The following TAFA2 variants were observed in gnomAD, a reference collection of about 807,000 sequenced individuals.
The protein encoded by TAFA2 is TAFA chemokine like family member 2.
In TAFA2, 7 loss-of-function variants were observed where a neutral mutation model predicts 18.8. The ratio of observed to expected loss-of-function variants is 0.37; its 90% CI spans 0.21 to 0.70. The LOEUF (loss-of-function observed/expected upper bound fraction) is 0.70. Ranked by LOEUF, TAFA2 falls within the 30% of genes least tolerant of loss-of-function variation. TAFA2 has a pLI of 0.53. For missense variants in TAFA2, 122 were observed against 158.1 expected (o/e 0.77, Z 1.23); for synonymous variants, 60 against 54.2 (o/e 1.11, Z -0.47).
At chr12:62,019,167 A>T (rs933341328) in intron 1 of TAFA2, among the ~76,000 whole-genome samples, 4 of 152,164 alleles carry the variant, frequency 2.6e-5, no homozygotes, top group African/African-American at 9.7e-5. Context: ...TTAAAAAGTC[A>T]GGAAACAACA....
At chr12:62,037,217 T>C (rs1881632751) in intron 1 of TAFA2, among the ~76,000 whole-genome samples, 1 of 152,260 alleles carries the variant, frequency 6.6e-6, no homozygotes, top group Non-Finnish European at 1.5e-5. Flanking sequence ...GCTCTGCCCA[T>C]GAACTTACTG....
chr12:61,829,621 G>A (rs570825141), intron 2 of TAFA2, among the ~76,000 whole-genome samples: 21 of 151,584 alleles, frequency 1.4e-4, no homozygotes, highest in African/African-American at 4.6e-4. Context: ...GACAGCATAT[G>A]AATTTAATAA....
At chr12:62,027,819 T>A (rs1255893764) in intron 1 of TAFA2, among the ~76,000 whole-genome samples, 2 of 152,214 alleles carry the variant, frequency 1.3e-5, no homozygotes, top group East Asian at 1.9e-4. Context: ...AGAGACTTTA[T>A]CCAGGTATCT....
At chr12:61,773,463 A>G (rs199539071) in intron 2 of TAFA2, among the ~76,000 whole-genome samples, 1 of 152,094 alleles carries the variant, frequency 6.6e-6, no homozygotes, top group Non-Finnish European at 1.5e-5. Context: ...ACTATACTAT[A>G]AGGCTATAGT....
chr12:61,950,211 T>C (rs1008850356), intron 1 of TAFA2, among the ~76,000 whole-genome samples: 1 of 152,176 alleles, frequency 6.6e-6, no homozygotes, highest in Non-Finnish European at 1.5e-5. Flanking sequence ...TTTTATGTAG[T>C]ATTGCTATGA....
chr12:61,737,785 GCTACAAAATAT>G (rs1868328761), intron 4 of TAFA2, among the ~76,000 whole-genome samples: 1 of 151,632 alleles, frequency 6.6e-6, no homozygotes, highest in African/African-American at 2.4e-5. Context: ...TTCTATTCCT[GCTACAAAATAT>G]GAAATCTAAT....
At chr12:61,819,857 C>A (rs1419552241) in intron 2 of TAFA2, among the ~76,000 whole-genome samples, 1 of 152,012 alleles carries the variant, frequency 6.6e-6, no homozygotes, top group African/African-American at 2.4e-5. Context: ...TTATTAATTT[C>A]ATAAATTTAC....
chr12:61,788,656 T>C (rs1215552990), intron 2 of TAFA2, among the ~76,000 whole-genome samples: 1 of 151,594 alleles, frequency 6.6e-6, no homozygotes, highest in Non-Finnish European at 1.5e-5. Flanking sequence ...GATAAATCTC[T>C]ATCAAGACTA....
At chr12:62,259,519 C>T (rs1443612333), upstream of TAFA2, 1 of 152,222 alleles carries the variant, frequency 6.6e-6, no homozygotes, top group Non-Finnish European at 1.5e-5. Flanking sequence ...GATTTTTAAG[C>T]GACTCGATTT....
At chr12:62,243,847 C>T (rs1365389087) in intron 1 of TAFA2, among the ~76,000 whole-genome samples, 2 of 152,226 alleles carry the variant, frequency 1.3e-5, no homozygotes, top group African/African-American at 4.8e-5. Flanking sequence ...GTGGTAGCAT[C>T]ATGGCTCACT....
rs369400075 is a variant in TAFA2 at position 62,142,138 on chromosome 12, C to T, written c.-2+49121G>A. Among the ~76,000 whole-genome samples, 4 of 152,140 alleles carry T rather than the reference C, an allele frequency of 2.6e-5. No homozygotes were observed. The East Asian group carries it at 7.7e-4, about 29-fold the overall frequency. ...GGGCTCAGAAAGGTTAAGTAACTTG[C>T]CACTTTATAAGCTTGTGATCTTAAG... is the stretch of plus-strand genomic sequence containing the variant. On this transcript the variant is annotated intron_variant, in intron 1 of 4. Coordinates refer to ENST00000416284, the MANE Select transcript of TAFA2 (RefSeq NM_178539.5).
intron 1 of TAFA2, among the ~76,000 whole-genome samples, chr12:62,184,590 C>T (rs2062573295): frequency 7.0e-6 from 1 of 142,084 alleles, no homozygotes; most frequent in Non-Finnish European, 1.5e-5. Context: ...ACCTCCCAGG[C>T]TCAAGTGATC....
chr12:61,790,045 A>C (rs1441342714), intron 2 of TAFA2, among the ~76,000 whole-genome samples: 2 of 151,854 alleles, frequency 1.3e-5, no homozygotes. Context: ...ATTCCAGTGA[A>C]GCAAGAATTG....
intron 1 of TAFA2, among the ~76,000 whole-genome samples, chr12:62,181,064 A>T (rs2062548415): frequency 6.6e-6 from 1 of 152,214 alleles, no homozygotes; most frequent in Admixed American, 6.5e-5. Context: ...TTCAGTCAGC[A>T]TGCTTACTTT....
intron 2 of TAFA2, chr12:61,776,093 T>C (rs993845268): frequency 1.8e-5 from 8 of 444,180 alleles, no homozygotes; most frequent in Non-Finnish European, 3.1e-5. Context: ...AATGCTACCA[T>C]GGCAAAACTG....
intron 1 of TAFA2, among the ~76,000 whole-genome samples, chr12:62,154,285 A>T (rs2062352990): frequency 6.6e-6 from 1 of 152,082 alleles, no homozygotes; most frequent in African/African-American, 2.4e-5. Context: ...TGTGTCTGTG[A>T]TATATGAAGG....
intron 1 of TAFA2, among the ~76,000 whole-genome samples, chr12:61,946,160 A>G (rs1332550730): frequency 6.6e-6 from 1 of 151,048 alleles, no homozygotes; most frequent in Non-Finnish European, 1.5e-5. Flanking sequence ...CCGCTTACCT[A>G]CAACTATCTG....
chr12:61,989,709 G>A (rs1879936503), intron 1 of TAFA2, among the ~76,000 whole-genome samples: 1 of 152,124 alleles, frequency 6.6e-6, no homozygotes. Context: ...ATCATTTGAA[G>A]CAAATGTGTA....
chr12:62,052,008 A>T (rs1392101054), intron 1 of TAFA2, among the ~76,000 whole-genome samples: 3 of 152,134 alleles, frequency 2.0e-5, no homozygotes, highest in African/African-American at 7.2e-5. Context: ...ATTTCCATAA[A>T]ACTTTAATTG....
Sources: gnomAD v4.1 joint callset for allele counts (sites outside exome capture counted in the v4.1 genomes callset) on GRCh38, gnomAD v4.1.1 for gene constraint, MANE v1.5 for transcripts, NCBI Gene and HGNC (gene_info 2026-07-23, HGNC 2026-07-21) for gene names.